Variants in DAB1 observed in about 807,000 individuals in gnomAD.
DAB1 encodes the protein DAB adaptor protein 1.
A neutral mutation model predicts 64.6 loss-of-function variants in DAB1; 15 were observed. The observed-to-expected ratio is 0.23, with a 90% CI of 0.16 to 0.36. DAB1 has a LOEUF of 0.36. Among genes scored for constraint, DAB1 ranks in the 10% least tolerant of loss-of-function variants. DAB1 has a pLI of 1.00. For missense variants in DAB1, 596 were observed against 706.7 expected, an observed-to-expected ratio of 0.84 and a Z score of 1.78; for synonymous variants, 235 against 251.9, an observed-to-expected ratio of 0.93 and a Z score of 0.64.
intron 7 of DAB1, among the ~76,000 whole-genome samples, chr1:57,562,576 T>G (rs1388709883): frequency 6.6e-6 from 1 of 152,168 alleles, no homozygotes; most frequent in Admixed American, 6.5e-5. Flanking sequence ...CCATGTATGC[T>G]CTGAATCAGC....
At chr1:58,055,615 G>A (rs1436581364) in intron 5 of DAB1, among the ~76,000 whole-genome samples, 1 of 152,182 alleles carries the variant, frequency 6.6e-6, no homozygotes, top group Non-Finnish European at 1.5e-5. Context: ...CATTTGACCA[G>A]TGATGGACAT....
chr1:58,153,080 T>C (rs1302870861), intron 4 of DAB1, among the ~76,000 whole-genome samples: 1 of 152,226 alleles, frequency 6.6e-6, no homozygotes, highest in South Asian at 2.1e-4. Flanking sequence ...GACAATTTCT[T>C]ATAAAATGTG....
chr1:57,526,833 T>C (rs747348306), intron 7 of DAB1, among the ~76,000 whole-genome samples: 1 of 152,222 alleles, frequency 6.6e-6, no homozygotes, highest in Non-Finnish European at 1.5e-5. Context: ...TCATGTTACT[T>C]ATGAAAATTT....
intron 3 of DAB1, among the ~76,000 whole-genome samples, chr1:58,430,414 G>A (rs71642178): frequency 7.0e-4 from 107 of 152,192 alleles, no homozygotes; most frequent in Non-Finnish European, 1.1e-3. Context: ...GGACTAGAGG[G>A]AAAAATTGAA....
At chr1:57,920,564 A>G (rs1644793925) in intron 5 of DAB1, among the ~76,000 whole-genome samples, 2 of 152,062 alleles carry the variant, frequency 1.3e-5, no homozygotes, top group Admixed American at 1.3e-4. Context: ...GCAGTCCTCA[A>G]GCAGTCCGAC....
At chr1:57,801,651 T>G (rs1651128345) in intron 6 of DAB1, among the ~76,000 whole-genome samples, 1 of 151,834 alleles carries the variant, frequency 6.6e-6, no homozygotes. Context: ...CCAGGGAATT[T>G]TTTTATTTTT....
chr1:57,866,611 T>C (rs919666560), intron 1 of DAB1, among the ~76,000 whole-genome samples: 39 of 152,184 alleles, frequency 2.6e-4, no homozygotes, highest in African/African-American at 9.4e-4. Flanking sequence ...GTTATTTTTC[T>C]TCTTGACACC....
At chr1:57,750,771 C>T (rs913223898) in intron 6 of DAB1, among the ~76,000 whole-genome samples, 10 of 152,114 alleles carry the variant, frequency 6.6e-5, no homozygotes, top group African/African-American at 2.4e-4. Context: ...GCCTCTCTTA[C>T]CCGCTGTGAG....
At chr1:57,473,420 C>A (rs1348544445) in intron 7 of DAB1, among the ~76,000 whole-genome samples, 1 of 152,170 alleles carries the variant, frequency 6.6e-6, no homozygotes, top group African/African-American at 2.4e-5. Flanking sequence ...GTGAGACAAA[C>A]TCTCCAGTGC....
intron 7 of DAB1, among the ~76,000 whole-genome samples, chr1:57,449,031 T>C (rs1220024096): frequency 6.6e-6 from 1 of 152,152 alleles, no homozygotes; most frequent in African/African-American, 2.4e-5. Context: ...TTTCCATTTG[T>C]CTTGAGTAAA....
At chr1:58,103,970 T>A (rs950591437) in intron 5 of DAB1, among the ~76,000 whole-genome samples, 4 of 152,154 alleles carry the variant, frequency 2.6e-5, no homozygotes, top group Non-Finnish European at 5.9e-5. Flanking sequence ...CCTCCTCACA[T>A]CCCAGGTCAG....
downstream of DAB1, among the ~76,000 whole-genome samples, chr1:57,825,560 T>C (rs1454382855): frequency 1.3e-5 from 2 of 152,040 alleles, no homozygotes; most frequent in Non-Finnish European, 2.9e-5. Flanking sequence ...GTGACTTGAG[T>C]GGGTTTTAGA....
chr1:58,506,422 C>G (rs1273960157), intron 2 of DAB1, among the ~76,000 whole-genome samples: 1 of 152,154 alleles, frequency 6.6e-6, no homozygotes, highest in Non-Finnish European at 1.5e-5. Context: ...TATCTCCTAA[C>G]AACTTTATGT....
In DAB1 at chr1:57,651,883, G is replaced by A. The variant is rs752149152; in HGVS notation, n.552-2218C>T. On this transcript the variant is annotated intron_variant and non_coding_transcript_variant, in intron 6 of 20. Coordinates refer to the DAB1 transcript ENST00000485760. Reference sequence around the variant, plus strand: ...AAAATCATATCAGTGCGAAAATTACGGCAGTGAGGGTGATCTGACCTGACC... The same window carrying A: ...AAAATCATATCAGTGCGAAAATTACAGCAGTGAGGGTGATCTGACCTGACC... 4.1e-4 allele frequency among the ~76,000 whole-genome samples: 62 copies of A among 152,084 alleles called. 1 individual carries two copies. The highest frequency in any genetic ancestry group is 3.2e-3 in the Middle Eastern group (1 of 316).
At chr1:57,902,895 A>C (rs1300894834) in intron 5 of DAB1, among the ~76,000 whole-genome samples, 2 of 152,190 alleles carry the variant, frequency 1.3e-5, no homozygotes, top group Non-Finnish European at 2.9e-5. Context: ...CACACTGCTA[A>C]TAAAGACATA....
chr1:58,434,877 C>T (rs1644924531), intron 3 of DAB1, among the ~76,000 whole-genome samples: 1 of 152,194 alleles, frequency 6.6e-6, no homozygotes, highest in African/African-American at 2.4e-5. Context: ...GTCTCCCCAC[C>T]CAGCAGTCAA....
At chr1:57,107,562 C>T (rs507709) in intron 4 of DAB1, among the ~76,000 whole-genome samples, 122,131 of 151,722 alleles carry the variant, frequency 0.8, 49,331 homozygotes, top group East Asian at 0.98. Context: ...TGATACGTGC[C>T]GTCCTGCAGG....
intron 7 of DAB1, among the ~76,000 whole-genome samples, chr1:57,631,274 T>C (rs1645986430): frequency 6.6e-6 from 1 of 152,212 alleles, no homozygotes; most frequent in Non-Finnish European, 1.5e-5. Context: ...GGAAAATATT[T>C]AGGGTTAGCT....
chr1:58,395,078 A>C (rs1474546156), intron 3 of DAB1, among the ~76,000 whole-genome samples: 1 of 152,076 alleles, frequency 6.6e-6, no homozygotes, highest in African/African-American at 2.4e-5. Context: ...GCCTGTCAAA[A>C]AGCAGCTTCT....
Sources: gnomAD v4.1 joint callset for allele counts (sites outside exome capture counted in the v4.1 genomes callset) on GRCh38, gnomAD v4.1.1 for gene constraint, MANE v1.5 for transcripts, NCBI Gene and HGNC (gene_info 2026-07-23, HGNC 2026-07-21) for gene names.